The following MED13L variants were observed in gnomAD, a reference collection of about 807,000 sequenced individuals.
The protein encoded by MED13L is mediator complex subunit 13L.
A neutral mutation model predicts 220.9 loss-of-function variants in MED13L; 7 were observed. The observed-to-expected ratio is 0.03, with a 90% CI of 0.02 to 0.06. The LOEUF is 0.06. MED13L is among the 10% of genes least tolerant of loss of function. MED13L has a pLI of 1.00. For synonymous variants in MED13L, 1,011 were observed against 1,015.2 expected (o/e 1.00, Z 0.08); for missense variants, 1,965 against 2,760.5 (o/e 0.71, Z 6.46).
intron 2 of MED13L, among the ~76,000 whole-genome samples, chr12:116,170,079 C>T (rs974991163): frequency 1.4e-4 from 21 of 152,288 alleles, no homozygotes; most frequent in African/African-American, 5.1e-4. Context: ...TAAAACCCAA[C>T]AATCTATCAT....
intron 2 of MED13L, among the ~76,000 whole-genome samples, chr12:116,160,654 T>C (rs1184934526): frequency 6.6e-6 from 1 of 151,874 alleles, no homozygotes; most frequent in Non-Finnish European, 1.5e-5. Context: ...GAGCTCCCTG[T>C]AGCCTCGAAC....
intron 4 of MED13L, among the ~76,000 whole-genome samples, chr12:116,083,400 GA>G (rs1195280390): frequency 3.0e-5 from 3 of 99,320 alleles, no homozygotes; most frequent in Non-Finnish European, 5.4e-5. Context: ...AGACTGTCTC[GA>G]GGGAAAAAAA....
At chr12:116,228,384 A>G (rs935145653) in intron 2 of MED13L, among the ~76,000 whole-genome samples, 1 of 152,148 alleles carries the variant, frequency 6.6e-6, no homozygotes, top group Non-Finnish European at 1.5e-5. Flanking sequence ...TGGCACAATC[A>G]TAGCTCACTG....
chr12:116,019,965 T>C lies in MED13L; in HGVS notation c.633A>G (p.Val211=). 1 of 1,613,358 alleles carries C rather than the reference T, an allele frequency of 6.2e-7. No individual in the cohort carries two copies. The highest frequency in any genetic ancestry group is 8.5e-7 in the Non-Finnish European group (1 of 1,179,450). ...QSSPAPFQVL[V]SPYGLNGTLT... is the part of the protein sequence containing the mutation. The stretch of plus-strand genomic sequence containing the variant: ...GCGTCCCATTTAAGCCATAAGGACT[T>C]ACCAGTACTATGGAGGGGAGGAGAA... Residue 211 remains valine, a synonymous_variant, in exon 6 of 31, where the codon GTA becomes GTG. Transcript: ENST00000281928.
intron 26 of MED13L, 102 bp downstream of exon 26, chr12:115,971,976 G>C (rs1292023748): frequency 2.3e-6 from 3 of 1,299,264 alleles, no homozygotes; most frequent in Admixed American, 1.9e-5. Flanking sequence ...TTCCCTTATA[G>C]AAATATAATG....
chr12:116,066,128 C>T (rs572099384), intron 4 of MED13L, among the ~76,000 whole-genome samples: 48 of 152,200 alleles, frequency 3.2e-4, no homozygotes, highest in Non-Finnish European at 5.0e-4. Flanking sequence ...CACACACACA[C>T]GTGTGCACAC....
rs543680278 is a variant in MED13L at position 116,202,075 on chromosome 12, C to T, written c.310+35393G>A. On this transcript the variant is annotated intron_variant, in intron 2 of 30. Transcript: ENST00000281928. Reference sequence around the variant, plus strand: ...GTCACATTCCTAGAAGACAATATAGCCATCTGATGAGTTCAGCGTCAATGG... The same window carrying T: ...GTCACATTCCTAGAAGACAATATAGTCATCTGATGAGTTCAGCGTCAATGG... Among the ~76,000 whole-genome samples the T allele has an allele frequency of 2.0e-5, 3 of 152,282 alleles. No homozygotes were observed. In the South Asian group the frequency reaches 6.2e-4, roughly 32 times the overall value.
intron 4 of MED13L, among the ~76,000 whole-genome samples, chr12:116,034,733 G>T (rs1881069571): frequency 6.6e-6 from 1 of 152,038 alleles, no homozygotes; most frequent in Non-Finnish European, 1.5e-5. Context: ...GAGAAACTCA[G>T]GCTGGGTCAC....
Position 116,096,045 on chromosome 12 carries a change from A to G in MED13L, c.479+624T>C, listed in dbSNP as rs377240537. On this transcript the variant is annotated intron_variant, in intron 4 of 30. Coordinates refer to ENST00000281928, the MANE Select transcript of MED13L (RefSeq NM_015335.5). ...TTCACTGTTTTTAAACTTATTCCAT[A>G]CAACACTTTTAAAAAATCAATGATG... Among the ~76,000 whole-genome samples the G allele has an allele frequency of 3.2e-4, 48 of 152,172 alleles. 1 individual carries two copies. The highest frequency in any genetic ancestry group is 7.9e-4 in the African/African-American group (33 of 41,512).
chr12:116,187,952 T>C (rs1593144796), intron 2 of MED13L, among the ~76,000 whole-genome samples: 2 of 150,824 alleles, frequency 1.3e-5, no homozygotes, highest in African/African-American at 2.4e-5. Flanking sequence ...AGCAAGAAGG[T>C]AGGGTTGATT....
chr12:116,091,278 CAAT>C (rs1418058590), intron 4 of MED13L, among the ~76,000 whole-genome samples: 1 of 151,570 alleles, frequency 6.6e-6, no homozygotes, highest in Non-Finnish European at 1.5e-5. Flanking sequence ...GTGTAAAAAT[CAAT>C]AATTATTGTT....
chr12:116,010,882 CTT>C (rs751574971), intron 9 of MED13L, among the ~76,000 whole-genome samples: 31 of 138,482 alleles, frequency 2.2e-4, no homozygotes, highest in East Asian at 2.1e-4. Context: ...AAGGATTTTT[CTT>C]TTTTTTTTTT....
At chr12:116,008,001 G>C (rs1352114260) in intron 10 of MED13L, 3 of 328,842 alleles carry the variant, frequency 9.1e-6, no homozygotes, top group Non-Finnish European at 1.7e-5. Flanking sequence ...GCTCAAAAGA[G>C]CTATAAATAT....
At chr12:116,252,201 A>G (rs1371404229) in intron 1 of MED13L, among the ~76,000 whole-genome samples, 1 of 152,148 alleles carries the variant, frequency 6.6e-6, no homozygotes, top group Non-Finnish European at 1.5e-5. Flanking sequence ...ACATTTATAA[A>G]ACATTACACC....
At chr12:116,105,426 A>G (rs1873478505) in intron 3 of MED13L, among the ~76,000 whole-genome samples, 1 of 152,242 alleles carries the variant, frequency 6.6e-6, no homozygotes, top group South Asian at 2.1e-4. Context: ...ACAAAAAAAG[A>G]TAACTGATCA....
At chr12:116,096,952 C>A (rs1023953451) in intron 3 of MED13L, among the ~76,000 whole-genome samples, 200 bp from the exon 4 acceptor site, 1 of 151,934 alleles carries the variant, frequency 6.6e-6, no homozygotes, top group African/African-American at 2.4e-5. Flanking sequence ...CTTATGCCCA[C>A]GTAAAAAAGA....
chr12:116,220,594 G>A (rs1883252917), intron 2 of MED13L, among the ~76,000 whole-genome samples: 1 of 152,210 alleles, frequency 6.6e-6, no homozygotes, highest in South Asian at 2.1e-4. Flanking sequence ...AGCTACTTGG[G>A]AGGCTGAGGC....
intron 2 of MED13L, among the ~76,000 whole-genome samples, chr12:116,235,921 A>G (rs894367581): frequency 6.6e-6 from 1 of 152,208 alleles, no homozygotes; most frequent in Non-Finnish European, 1.5e-5. Context: ...TAATACAGAG[A>G]AACAGAAGAT....
chr12:116,075,616 GA>G (rs1222589305), intron 4 of MED13L, among the ~76,000 whole-genome samples: 1 of 152,158 alleles, frequency 6.6e-6, no homozygotes, highest in East Asian at 1.9e-4. Flanking sequence ...CTTCCAACTT[GA>G]AGCTGTGCTA....
Sources: allele counts gnomAD v4.1 joint callset (sites outside exome capture counted in the v4.1 genomes callset), GRCh38; gene constraint gnomAD v4.1.1; transcripts MANE v1.5; gene names NCBI Gene and HGNC (gene_info 2026-07-23, HGNC 2026-07-21).